The following TSEN15 variants were observed in gnomAD, a reference collection of about 807,000 sequenced individuals.
The protein encoded by TSEN15 is tRNA-splicing endonuclease subunit Sen15.
A neutral mutation model predicts 20.5 loss-of-function variants in TSEN15; 10 were observed. The observed-to-expected ratio is 0.49, with a 90% confidence interval of 0.30 to 0.83. The LOEUF (loss-of-function observed/expected upper bound fraction) is 0.83, where lower values mean the gene tolerates loss of function less well. Ranked by LOEUF, TSEN15 falls within the 40% of genes least tolerant of loss-of-function variation. The probability of loss-of-function intolerance (pLI) is 0.06; values close to 1 mark genes in which losing one functional copy is unlikely to be tolerated. For synonymous variants in TSEN15, 72 were observed against 80.1 expected, an observed-to-expected ratio of 0.90 and a Z score of 0.54; for missense variants, 180 against 218.6, an observed-to-expected ratio of 0.82 and a Z score of 1.11.
rs561244775 is a variant in TSEN15, at chr1:184,068,632, G to A, written c.354-3525G>A. Among the ~76,000 whole-genome samples, 196 of 152,210 alleles carry A rather than the reference G, an allele frequency of 1.3e-3. 1 individual carries two copies. Among genetic ancestry groups the A allele is most frequent in the African/African-American group, 4.5e-3 (188 of 41,526 alleles). On this transcript the variant is annotated intron_variant, in intron 3 of 4. Transcript: ENST00000645668. ...TTTTAGCTGCCTTGATTTTTTACTA[G>A]GAAGGCATTGGCATGAATTTCAAGG... is the stretch of plus-strand genomic sequence containing the variant.
chr1:184,067,916 C>T (rs1650729378), intron 3 of TSEN15, among the ~76,000 whole-genome samples: 2 of 105,440 alleles, frequency 1.9e-5, no homozygotes, highest in African/African-American at 4.4e-5. Context: ...GAGCGAGACT[C>T]TCTCTCTCAA....
downstream of TSEN15, among the ~76,000 whole-genome samples, chr1:184,076,089 C>T (rs1651056172): frequency 6.6e-6 from 1 of 151,818 alleles, no homozygotes; most frequent in Admixed American, 6.6e-5. Context: ...TTAATATAAG[C>T]AGGTATTCCT....
intron 3 of TSEN15, among the ~76,000 whole-genome samples, chr1:184,079,263 A>C (rs1651118826): frequency 6.6e-6 from 1 of 152,204 alleles, no homozygotes; most frequent in Non-Finnish European, 1.5e-5. Context: ...TTTAAGCAAA[A>C]TCAGAGATTG....
chr1:184,069,157 A>T (rs964691326), intron 3 of TSEN15, among the ~76,000 whole-genome samples: 6 of 152,168 alleles, frequency 3.9e-5, no homozygotes, highest in African/African-American at 1.4e-4. Flanking sequence ...CTCTGGAATC[A>T]CTTTTTTTCA....
At chr1:184,083,414 CTTA>C (rs1202902293) in intron 3 of TSEN15, among the ~76,000 whole-genome samples, 1 of 152,202 alleles carries the variant, frequency 6.6e-6, no homozygotes. Context: ...GATAAGTTTA[CTTA>C]TTATTTGATT....
At chr1:184,070,787 A>T in intron 3 of TSEN15, 12 of 555,360 alleles carry the variant, frequency 2.2e-5, no homozygotes, top group Non-Finnish European at 3.0e-5. Flanking sequence ...ATCTTTCTCT[A>T]AAGTAAATCA....
rs539591687 is a variant in TSEN15 at position 184,063,455 on chromosome 1, G to C, written c.353+8592G>C. ...AGTGAAAATAATTCTGTGCACATTA[G>C]AAATGAATGTCAGAGCCAAAGTTAG... On this transcript the variant is annotated intron_variant, in intron 3 of 4. Coordinates refer to ENST00000645668, the MANE Select transcript of TSEN15 (RefSeq NM_052965.4). 1.6e-3 allele frequency among the ~76,000 whole-genome samples: 237 copies of C among 152,246 alleles called. 2 individuals are homozygous for C. Among genetic ancestry groups the C allele is most frequent in the African/African-American group, 5.5e-3 (228 of 41,572 alleles).
At chr1:184,055,583 T>G (rs559169341) in intron 3 of TSEN15, among the ~76,000 whole-genome samples, 71 of 152,212 alleles carry the variant, frequency 4.7e-4, no homozygotes, top group Non-Finnish European at 9.1e-4. Context: ...TAATACAAAT[T>G]ATACTTTATA....
chr1:184,094,110 C>G (rs987606480), intron 3 of TSEN15: 2 of 152,092 alleles, frequency 1.3e-5, no homozygotes, highest in South Asian at 2.1e-4. Flanking sequence ...TCATGCCCCC[C>G]CTCCGAATCT....
intron 1 of TSEN15, among the ~76,000 whole-genome samples, chr1:184,052,742 C>G (rs550445222): frequency 6.6e-6 from 1 of 152,246 alleles, no homozygotes; most frequent in South Asian, 2.1e-4. Context: ...TTCATCCTCC[C>G]AAAAGGTGAG....
intron 3 of TSEN15, among the ~76,000 whole-genome samples, chr1:184,063,836 G>A (rs971437908): frequency 3.3e-5 from 5 of 151,776 alleles, no homozygotes; most frequent in Non-Finnish European, 7.4e-5. Flanking sequence ...TTAAAACCCC[G>A]AGATGTGTAG....
intron 3 of TSEN15, among the ~76,000 whole-genome samples, chr1:184,063,667 C>T (rs1220612485): frequency 6.6e-6 from 1 of 151,778 alleles, no homozygotes; most frequent in Admixed American, 6.6e-5. Context: ...TAAAGACTGC[C>T]AATAGTAATT....
chr1:184,062,739 GT>G (rs964498867), intron 3 of TSEN15, among the ~76,000 whole-genome samples: 4 of 151,292 alleles, frequency 2.6e-5, no homozygotes, highest in East Asian at 1.9e-4. Context: ...TACTGGTAGG[GT>G]TTTTTTTGTT....
At chr1:184,063,175 G>A (rs1156246182) in intron 3 of TSEN15, among the ~76,000 whole-genome samples, 1 of 152,034 alleles carries the variant, frequency 6.6e-6, no homozygotes, top group Non-Finnish European at 1.5e-5. Context: ...TTGTTTCGTG[G>A]CAGTTGGTAA....
chr1:184,093,351 G>A (rs1651392611), intron 3 of TSEN15, among the ~76,000 whole-genome samples: 1 of 152,194 alleles, frequency 6.6e-6, no homozygotes, highest in Non-Finnish European at 1.5e-5. Context: ...GGGTGGTGGA[G>A]TGGAAGGGGC....
intron 3 of TSEN15, among the ~76,000 whole-genome samples, chr1:184,092,253 G>C (rs898541795): frequency 6.6e-6 from 1 of 152,188 alleles, no homozygotes; most frequent in Non-Finnish European, 1.5e-5. Context: ...GATTGGAAAA[G>C]CATTATTGTT....
rs1057395683 is a variant in TSEN15 at position 184,073,994 on chromosome 1, A to G, written c.*1147A>G. On this transcript the variant is annotated 3_prime_UTR_variant, in exon 5 of 5. Transcript: ENST00000645668. ...AAATTAGTAATGAATATTATTAAAA[A>G]CATGAAAATATTACCTTAAGTAAAA... 3 of 152,190 alleles carry G rather than the reference A, an allele frequency of 2.0e-5. No homozygotes were observed. Among genetic ancestry groups the G allele is most frequent in the African/African-American group, 7.2e-5 (3 of 41,454 alleles). 9.4% of individuals were successfully genotyped at this position (152,190 alleles called of 1,614,324 possible).
chr1:184,055,158 C>A, intron 3 of TSEN15: 1 of 232,322 alleles, frequency 4.3e-6, no homozygotes. Context: ...TCTAGGGAGG[C>A]CTCAGGAAGC....
At chr1:184,096,508 T>A (rs961333878) in exon 4 of TSEN15, 1 of 152,262 alleles carries the variant, frequency 6.6e-6, no homozygotes, top group African/African-American at 2.4e-5. Context: ...CACTTTTAGA[T>A]GTCCAGCTAA....
Sources: allele counts gnomAD v4.1 joint callset (sites outside exome capture counted in the v4.1 genomes callset), GRCh38; gene constraint gnomAD v4.1.1; transcripts MANE v1.5; gene names NCBI Gene and HGNC (gene_info 2026-07-23, HGNC 2026-07-21).